TNC: variants seen among roughly 807,000 people sequenced by gnomAD.
TNC encodes the protein tenascin.
TNC carries 109 observed loss-of-function variants against 202.4 expected under a neutral mutation model. That is an observed-to-expected ratio of 0.54 (90% confidence interval 0.46 to 0.63). The LOEUF is 0.63. Ranked by LOEUF, TNC falls within the 30% of genes least tolerant of loss-of-function variation. The probability of loss-of-function intolerance (pLI) is 0.00; values close to 1 mark genes in which losing one functional copy is unlikely to be tolerated. For synonymous variants in TNC, 1,007 were observed against 1,089.7 expected (o/e 0.92, Z 1.50); for missense variants, 2,756 against 2,833.3 (o/e 0.97, Z 0.62).
chr9:115,026,604 A>G lies in TNC; in HGVS notation c.6261T>C (p.Tyr2087=), dbSNP rs927411364. The G allele has an allele frequency of 6.2e-7, 1 of 1,613,974 alleles. No individual in the cohort carries two copies. The highest frequency in any genetic ancestry group is 1.1e-5 in the South Asian group (1 of 91,074). ...RDHGETAFAV[Y]DKFSVGDAKT... ...TGGCATCTCCCACGCTGAACTTGTCATAGACAGCAAAGGCTGTCTCCCCAT... is the reference window on the plus strand; with the variant it reads ...TGGCATCTCCCACGCTGAACTTGTCGTAGACAGCAAAGGCTGTCTCCCCAT... The change falls in exon 26 of 28, where the codon TAT becomes TAC. Residue 2087 remains tyrosine (Y), a synonymous_variant. Coordinates refer to ENST00000350763, the MANE Select transcript of TNC (RefSeq NM_002160.4).
chr9:115,084,483 T>G lies in TNC; in HGVS notation c.1868-11A>C. 1 of 1,613,138 alleles carries G rather than the reference T, an allele frequency of 6.2e-7. No homozygotes were observed. The highest frequency in any genetic ancestry group is 8.5e-7 in the Non-Finnish European group (1 of 1,179,366). ...CTTTGGGAGGAGACACTGGCAGGAA[T>G]AAGAAAGGACATCTGGTGTCAACAG... On this transcript the variant is annotated splice_polypyrimidine_tract_variant and intron_variant, in intron 3 of 27. Coordinates refer to ENST00000350763, the MANE Select transcript of TNC (RefSeq NM_002160.4).
intron 2 of TNC, among the ~76,000 whole-genome samples, chr9:115,087,613 G>A (rs944841632): frequency 6.7e-6 from 1 of 150,166 alleles, no homozygotes; most frequent in African/African-American, 2.5e-5. Flanking sequence ...ACATTTTCAA[G>A]AAGTCTTACT....
chr9:115,048,933 CT>C lies in TNC; in HGVS notation c.4580-402del, dbSNP rs80025706. Among the ~76,000 whole-genome samples, 580 of 137,898 alleles carry C rather than the reference CT, an allele frequency of 4.2e-3. 2 individuals carry two copies. The highest frequency in any genetic ancestry group is 5.0e-3 in the Non-Finnish European group (315 of 63,302). The allele number at this position is 137,898 out of a possible 152,430, so 90.5% of individuals were successfully genotyped here. ...TGTCTACTTCCCACTGCCTTCAGCT[CT>C]TTTTTTTTTTTTCGAGTATAATTTC... On this transcript the variant is annotated intron_variant, in intron 15 of 27. Transcript: ENST00000350763.
At chr9:115,030,121 C>T in intron 24 of TNC, 133 bp downstream of exon 24, 2 of 889,238 alleles carry the variant, frequency 2.2e-6, no homozygotes, top group Non-Finnish European at 3.3e-6. Context: ...GTGTGACAGG[C>T]ACTATCTTGC....
chr9:115,099,814 A>G (rs1028813132), intron 1 of TNC, among the ~76,000 whole-genome samples: 3 of 152,214 alleles, frequency 2.0e-5, no homozygotes, highest in Non-Finnish European at 4.4e-5. Context: ...GATGAGATCT[A>G]TAAGACAAAT....
Position 115,086,044 on chromosome 9 carries a change from A to G in TNC, c.1687T>C (p.Cys563Arg), listed in dbSNP as rs1834692155. 6.2e-7 allele frequency: 1 copy of G among 1,614,236 alleles called. No homozygotes were observed. Among genetic ancestry groups the G allele is most frequent in the Non-Finnish European group, 8.5e-7 (1 of 1,180,022 alleles). ...CCCTGGCCATGACAGTCACTGGGAC[A>G]TCTTTGCTCCTTGCAGTCTTTGCCC... is the stretch of plus-strand genomic sequence containing the variant. ...FMGKDCKEQR[C>R]PSDCHGQGRC... Residue 563 changes from cysteine (C) to arginine (R), a missense_variant, in exon 3 of 28, where the codon TGT (cysteine) becomes CGT (arginine). Cys to Arg is a radical substitution (Grantham distance 180). Transcript: ENST00000350763.
chr9:115,096,228 T>C (rs1176522867), intron 1 of TNC, among the ~76,000 whole-genome samples: 1 of 152,160 alleles, frequency 6.6e-6, no homozygotes, highest in Non-Finnish European at 1.5e-5. Context: ...CCCCGTGAGA[T>C]AGAAAATTTA....
At chr9:115,062,089 T>C (rs927277975) in intron 13 of TNC, among the ~76,000 whole-genome samples, 15 of 152,234 alleles carry the variant, frequency 9.9e-5, no homozygotes, top group Admixed American at 9.8e-4. Flanking sequence ...GTTCTGATCT[T>C]ATTTTTGTGC....
intron 6 of TNC, among the ~76,000 whole-genome samples, chr9:115,078,991 T>A (rs1834093730): frequency 6.6e-6 from 1 of 152,244 alleles, no homozygotes; most frequent in African/African-American, 2.4e-5. Flanking sequence ...AAGCCTTTTT[T>A]TAACCCGGCT....
At chr9:115,028,324 A>T (rs1033585470) in intron 25 of TNC, among the ~76,000 whole-genome samples, 1 of 152,154 alleles carries the variant, frequency 6.6e-6, no homozygotes, top group Non-Finnish European at 1.5e-5. Context: ...TTACCAACCC[A>T]CTAGTCAACC....
chr9:115,039,131 C>T (rs140758879), intron 19 of TNC, among the ~76,000 whole-genome samples: 5 of 152,154 alleles, frequency 3.3e-5, no homozygotes, highest in African/African-American at 9.6e-5. Flanking sequence ...CACCTGGCCC[C>T]GAGCCTTTTC....
rs536362594 is a variant in TNC at position 115,021,164 on chromosome 9, C to T, written c.6599G>A (p.Arg2200Gln). 7 of 1,613,402 alleles carry T rather than the reference C, an allele frequency of 4.3e-6. No homozygotes were observed. Among genetic ancestry groups the T allele is most frequent in the African/African-American group, 4.0e-5 (3 of 74,826 alleles). Residue 2200 changes from arginine to glutamine, a missense_variant, in exon 28 of 28, where the codon CGG becomes CAG. Coordinates refer to ENST00000350763, the MANE Select transcript of TNC (RefSeq NM_002160.4). The stretch of plus-strand genomic sequence containing the variant: ...CCCAGTGGTCCCTGGAATTTATGCC[C>T]GTTTGCGCCTGCCTTCAAGATTTCT... ...NFRNLEGRRKRA is the reference protein window; with the variant it reads ...NFRNLEGRRKQA
intron 15 of TNC, 72 bp from the exon 16 acceptor site, chr9:115,048,604 A>C: frequency 6.9e-7 from 1 of 1,452,034 alleles, no homozygotes; most frequent in Non-Finnish European, 9.3e-7. Flanking sequence ...CACGTTTCCA[A>C]GAACACCAAT....
intron 10 of TNC, among the ~76,000 whole-genome samples, chr9:115,069,984 G>A (rs183539190): frequency 1.4e-3 from 220 of 151,796 alleles, no homozygotes; most frequent in Non-Finnish European, 2.4e-3. Flanking sequence ...AGATTCTATG[G>A]AAATGCTGAC....
intron 27 of TNC, among the ~76,000 whole-genome samples, 172 bp from the exon 28 acceptor site, chr9:115,021,439 G>C (rs1829063328): frequency 6.6e-6 from 1 of 152,156 alleles, no homozygotes; most frequent in Non-Finnish European, 1.5e-5. Flanking sequence ...CTCTCTGTTG[G>C]TCTGGGTTGT....
intron 1 of TNC, among the ~76,000 whole-genome samples, chr9:115,111,563 C>G (rs1837069088): frequency 6.6e-6 from 1 of 151,852 alleles, no homozygotes; most frequent in Non-Finnish European, 1.5e-5. Flanking sequence ...TGCCCACCAC[C>G]ATGCCAGGCT....
Position 115,057,378 on chromosome 9 carries a change from C to G in TNC, c.4354G>C (p.Glu1452Gln), listed in dbSNP as rs142772210. 3.1e-6 allele frequency: 5 copies of G among 1,613,498 alleles called. No homozygotes were observed. The highest frequency in any genetic ancestry group is 8.5e-7 in the Non-Finnish European group (1 of 1,180,002). Residue 1452 changes from glutamate to glutamine, a missense_variant, in exon 15 of 28, where the codon GAG (glutamate) becomes CAG (glutamine). This residue lies in a region of TNC where 2,559 missense variants were observed against 2,546.0 expected (regional missense o/e 1.01). Transcript: ENST00000350763. The part of the protein sequence containing the change: ...GNLNVSDITP[E>Q]SFNLSWMATD... ...GCCATCCAGGAGAGATTGAAGCTCT[C>G]GGGAGTTATGTCAGAAACATTTAAG...
At chr9:115,031,450 G>C in intron 23 of TNC, 103 bp downstream of exon 23, 1 of 1,285,190 alleles carries the variant, frequency 7.8e-7, no homozygotes, top group Non-Finnish European at 1.0e-6. Flanking sequence ...ATTCTTTTCA[G>C]AGGTTTGTTT....
intron 17 of TNC, among the ~76,000 whole-genome samples, chr9:115,043,025 C>A (rs1429382780): frequency 6.6e-6 from 1 of 152,160 alleles, no homozygotes; most frequent in Non-Finnish European, 1.5e-5. Flanking sequence ...GCTGGGTCTA[C>A]CTGTGAGAAA....
Sources: allele counts gnomAD v4.1 joint callset (sites outside exome capture counted in the v4.1 genomes callset), GRCh38; gene constraint gnomAD v4.1.1; regional missense constraint gnomAD v4.1.1; transcripts MANE v1.5; gene names NCBI Gene and HGNC (gene_info 2026-07-23, HGNC 2026-07-21).